CYP7B1: variants seen among roughly 807,000 people sequenced by gnomAD.
CYP7B1 encodes cytochrome P450 family 7 subfamily B member 1, also known as cytochrome P450 7B1.
In CYP7B1, 29 loss-of-function variants were observed where a neutral mutation model predicts 42.7. The observed-to-expected ratio is 0.68, with a 90% confidence interval of 0.51 to 0.93. The LOEUF (loss-of-function observed/expected upper bound fraction) is 0.93. Ranked by LOEUF, CYP7B1 falls within the 40% of genes least tolerant of loss-of-function variation. The probability of loss-of-function intolerance (pLI) is 0.00; values close to 1 mark genes in which losing one functional copy is unlikely to be tolerated. For synonymous variants in CYP7B1, 235 were observed against 218.2 expected, an observed-to-expected ratio of 1.08 and a Z score of -0.68; for missense variants, 655 against 600.5, an observed-to-expected ratio of 1.09 and a Z score of -0.95.
At chr8:64,657,978 C>T (rs975957204) in intron 1 of CYP7B1, among the ~76,000 whole-genome samples, 2 of 152,134 alleles carry the variant, frequency 1.3e-5, no homozygotes, top group Non-Finnish European at 2.9e-5. Context: ...ATCAAGGCAT[C>T]GTGTAAGGGC....
intron 1 of CYP7B1, among the ~76,000 whole-genome samples, chr8:64,751,631 GGCAT>G (rs1460505327): frequency 1.3e-5 from 2 of 151,990 alleles, no homozygotes; most frequent in East Asian, 1.9e-4. Context: ...TTAGTCAAAC[GGCAT>G]GCATGCATTT....
At chr8:64,649,433 C>T (rs1320840619) in intron 1 of CYP7B1, among the ~76,000 whole-genome samples, 1 of 152,130 alleles carries the variant, frequency 6.6e-6, no homozygotes, top group East Asian at 1.9e-4. Context: ...TATGTATGTA[C>T]CATGTTTTCT....
Position 64,740,385 on chromosome 8 carries a change from G to T in CYP7B1, c.122+58081C>A, listed in dbSNP as rs547012894. Among the ~76,000 whole-genome samples, 27 of 151,836 alleles carry T rather than the reference G, an allele frequency of 1.8e-4. No individual in the cohort carries two copies. In the South Asian group the frequency reaches 5.6e-3, roughly 32 times the overall value. ...TACATATTATGTTTATGATATAACT[G>T]CATAAATTATAAAAGAAGATCTATA... is the stretch of plus-strand genomic sequence containing the variant. On this transcript the variant is annotated intron_variant, in intron 1 of 5. Transcript: ENST00000310193.
intron 5 of CYP7B1, among the ~76,000 whole-genome samples, chr8:64,599,596 C>T (rs1012564353): frequency 1.3e-5 from 2 of 152,186 alleles, no homozygotes; most frequent in African/African-American, 4.8e-5. Flanking sequence ...GTATAAGACA[C>T]GGAAGTTCCT....
At chr8:64,660,145 T>TTTGTTACAG (rs1316161572) in intron 1 of CYP7B1, among the ~76,000 whole-genome samples, 2 of 152,238 alleles carry the variant, frequency 1.3e-5, no homozygotes, top group African/African-American at 2.4e-5. Flanking sequence ...TTACTGTTGC[T>TTTGTTACAG]TTGTTACAGA....
chr8:64,599,986 T>C (rs534185175), intron 5 of CYP7B1, among the ~76,000 whole-genome samples: 21 of 152,326 alleles, frequency 1.4e-4, no homozygotes, highest in Non-Finnish European at 2.1e-4. Context: ...GTTTAAAGCC[T>C]TCAACACAAT....
At chr8:64,685,175 G>A (rs977261409) in intron 1 of CYP7B1, among the ~76,000 whole-genome samples, 9 of 152,128 alleles carry the variant, frequency 5.9e-5, no homozygotes, top group African/African-American at 7.2e-5. Context: ...AGCGCCGCCC[G>A]GGAGGCAGCG....
chr8:64,754,902 A>G (rs1245735821), intron 1 of CYP7B1, among the ~76,000 whole-genome samples: 1 of 152,218 alleles, frequency 6.6e-6, no homozygotes, highest in Non-Finnish European at 1.5e-5. Context: ...TCAAGAAATG[A>G]GTCAGTGAAA....
chr8:64,670,696 A>T (rs1806353538), intron 1 of CYP7B1, among the ~76,000 whole-genome samples: 1 of 152,196 alleles, frequency 6.6e-6, no homozygotes, highest in Non-Finnish European at 1.5e-5. Flanking sequence ...AACCAAAGAC[A>T]GACAGTTACA....
At chr8:64,685,886 C>CT (rs1184530295) in intron 1 of CYP7B1, among the ~76,000 whole-genome samples, 1 of 41,288 alleles carries the variant, frequency 2.4e-5, no homozygotes, top group East Asian at 4.2e-4. Flanking sequence ...GGGGGGTCAG[C>CT]CCCCCGCCTG....
chr8:64,678,643 G>C (rs760506758), intron 1 of CYP7B1, among the ~76,000 whole-genome samples: 1 of 152,096 alleles, frequency 6.6e-6, no homozygotes, highest in Non-Finnish European at 1.5e-5. Flanking sequence ...GGTGCTCCTT[G>C]CCTGCTGGTC....
intron 1 of CYP7B1, among the ~76,000 whole-genome samples, chr8:64,697,197 T>C (rs960501235): frequency 6.6e-6 from 1 of 152,236 alleles, no homozygotes; most frequent in Non-Finnish European, 1.5e-5. Context: ...TGTTAGGTGC[T>C]GGAGAATGCA....
At chr8:64,708,755 A>G (rs1286084722) in intron 1 of CYP7B1, among the ~76,000 whole-genome samples, 2 of 152,196 alleles carry the variant, frequency 1.3e-5, no homozygotes, top group Non-Finnish European at 2.9e-5. Context: ...GATTATATCC[A>G]ATGTTCAACA....
intron 1 of CYP7B1, among the ~76,000 whole-genome samples, chr8:64,648,324 T>C (rs1230266028): frequency 2.0e-5 from 3 of 152,216 alleles, no homozygotes; most frequent in African/African-American, 7.2e-5. Flanking sequence ...ATCTACCCCT[T>C]TTCCCTGTAT....
chr8:64,725,103 T>A (rs1230839844), intron 1 of CYP7B1, among the ~76,000 whole-genome samples: 1 of 152,178 alleles, frequency 6.6e-6, no homozygotes, highest in East Asian at 1.9e-4. Context: ...TCCGTAACCA[T>A]TAGATCACCC....
intron 1 of CYP7B1, among the ~76,000 whole-genome samples, chr8:64,633,701 T>C (rs540185359): frequency 1.3e-5 from 2 of 152,152 alleles, no homozygotes; most frequent in Non-Finnish European, 2.9e-5. Context: ...CTCAACTTGA[T>C]TTACAGATTC....
In CYP7B1 at chr8:64,596,672, A is replaced by T. The variant is rs763146159; in HGVS notation, c.1491T>A (p.Asp497Glu). 6.2e-7 allele frequency: 1 copy of T among 1,613,406 alleles called. No individual in the cohort carries two copies. Among genetic ancestry groups the T allele is most frequent in the Admixed American group, 1.7e-5 (1 of 59,922 alleles). The stretch of plus-strand genomic sequence containing the variant: ...ATTTCACTTTGTATCTAAATAAAAC[A>T]TCAGAATCTGGATACTGAATACCAA... ...LLFGIQYPDS[D>E]VLFRYKVKS Residue 497 changes from aspartate to glutamate, a missense_variant, in exon 6 of 6, where the codon GAT (aspartate) becomes GAA (glutamate). Coordinates refer to ENST00000310193, the MANE Select transcript of CYP7B1 (RefSeq NM_004820.5).
At chr8:64,600,801 A>G (rs532141587) in intron 5 of CYP7B1, among the ~76,000 whole-genome samples, 1 of 152,262 alleles carries the variant, frequency 6.6e-6, no homozygotes, top group African/African-American at 2.4e-5. Flanking sequence ...GCTAGTTCCA[A>G]TATGGTAGGT....
At chr8:64,677,097 C>T (rs1027816902) in intron 1 of CYP7B1, among the ~76,000 whole-genome samples, 13 of 151,936 alleles carry the variant, frequency 8.6e-5, no homozygotes, top group Non-Finnish European at 1.5e-4. Flanking sequence ...TATATTTACA[C>T]GAACAATTTG....
Sources: allele counts gnomAD v4.1 joint callset (sites outside exome capture counted in the v4.1 genomes callset), GRCh38; gene constraint gnomAD v4.1.1; transcripts MANE v1.5; gene names NCBI Gene and HGNC (gene_info 2026-07-23, HGNC 2026-07-21).